Variants in MTUS2 observed in about 807,000 individuals in gnomAD.
The protein encoded by MTUS2 is microtubule-associated tumor suppressor candidate 2.
A neutral mutation model predicts 114.1 loss-of-function variants in MTUS2; 40 were observed. That is an observed-to-expected ratio of 0.35 (90% confidence interval 0.27 to 0.46). The LOEUF (loss-of-function observed/expected upper bound fraction) is 0.46, where lower values mean the gene tolerates loss of function less well. MTUS2 is among the 20% of genes least tolerant of loss of function. MTUS2 has a pLI of 1.00. For synonymous variants in MTUS2, 688 were observed against 672.0 expected (o/e 1.02, Z -0.37); for missense variants, 1,679 against 1,705.4 (o/e 0.98, Z 0.27).
At chr13:29,307,554 G>A in intron 6 of MTUS2, 2 of 1,246,686 alleles carry the variant, frequency 1.6e-6, no homozygotes, top group Non-Finnish European at 2.3e-6. Context: ...ATGACATCAA[G>A]AAGGTGGTAA....
intron 8 of MTUS2, among the ~76,000 whole-genome samples, chr13:29,384,948 A>G (rs895412087): frequency 2.6e-5 from 4 of 152,202 alleles, no homozygotes; most frequent in Middle Eastern, 3.2e-3. Context: ...GAGGACTGCT[A>G]TATCAGTTTT....
chr13:29,024,528 A>C lies in MTUS2; in HGVS notation c.-171A>C. ...AGTCTTCCTGCTGTATATCAAGACA[A>C]TGCTTGGTTTTCAAGCTGTTCTGAG... On this transcript the variant is annotated 5_prime_UTR_variant, in exon 3 of 16. The change abolishes an upstream ATG in the 5' untranslated region. Coordinates refer to ENST00000612955, the MANE Select transcript of MTUS2 (RefSeq NM_001033602.4). 2 of 747,826 alleles carry C rather than the reference A, an allele frequency of 2.7e-6. No individual in the cohort carries two copies. The highest frequency in any genetic ancestry group is 4.3e-6 in the Non-Finnish European group (2 of 464,322). The allele number at this position is 747,826 out of a possible 1,614,324, so 46.3% of individuals were successfully genotyped here.
intron 5 of MTUS2, among the ~76,000 whole-genome samples, chr13:29,246,093 T>A (rs1480507397): frequency 6.6e-6 from 1 of 152,210 alleles, no homozygotes; most frequent in Non-Finnish European, 1.5e-5. Context: ...TTGTAAAATA[T>A]GTATTTAAGT....
chr13:28,911,859 T>G (rs557799204), intron 2 of MTUS2, among the ~76,000 whole-genome samples: 4 of 151,546 alleles, frequency 2.6e-5, no homozygotes, highest in African/African-American at 7.3e-5. Flanking sequence ...TTTTTTTTTT[T>G]TTTTGTAAAT....
At chr13:29,454,894 C>T (rs1164842279) in intron 9 of MTUS2, among the ~76,000 whole-genome samples, 1 of 152,152 alleles carries the variant, frequency 6.6e-6, no homozygotes, top group African/African-American at 2.4e-5. Context: ...TGCTTCTAGC[C>T]ATAATAGCAT....
At chr13:29,232,613 G>T (rs987165620) in intron 5 of MTUS2, among the ~76,000 whole-genome samples, 1 of 152,154 alleles carries the variant, frequency 6.6e-6, no homozygotes, top group Non-Finnish European at 1.5e-5. Context: ...TAGTTAGTTT[G>T]CTTAAGTGGC....
rs574472320 is a variant in MTUS2 at position 29,146,055 on chromosome 13, A to G, written c.2644+45085A>G. Among the ~76,000 whole-genome samples the G allele has an allele frequency of 2.6e-5, 4 of 152,334 alleles. No homozygotes were observed. In the East Asian group the frequency reaches 7.7e-4, roughly 29 times the overall value. The stretch of plus-strand genomic sequence containing the variant: ...GTTGTAAACTTTTTTGCTATTGATG[A>G]TGGTGATTCTTTATATATCTTGGTT... On this transcript the variant is annotated intron_variant, in intron 5 of 15. Transcript: ENST00000612955.
At chr13:29,307,890 G>A (rs1352071510) in intron 6 of MTUS2, 3 of 555,936 alleles carry the variant, frequency 5.4e-6, no homozygotes, top group Non-Finnish European at 9.8e-6. Flanking sequence ...CCCCTCCTCA[G>A]AGTTTCCATG....
At chr13:28,942,395 C>T (rs1194679650) in intron 2 of MTUS2, among the ~76,000 whole-genome samples, 3 of 152,182 alleles carry the variant, frequency 2.0e-5, no homozygotes, top group Non-Finnish European at 4.4e-5. Flanking sequence ...TGTATTTGTA[C>T]ACCAGTTTGT....
At chr13:28,929,444 A>G (rs767808477) in intron 2 of MTUS2, among the ~76,000 whole-genome samples, 4 of 152,208 alleles carry the variant, frequency 2.6e-5, no homozygotes, top group Non-Finnish European at 4.4e-5. Flanking sequence ...ATGTACATCT[A>G]TTATGTATCA....
intron 6 of MTUS2, among the ~76,000 whole-genome samples, chr13:29,301,914 T>C (rs934137601): frequency 3.9e-5 from 6 of 152,192 alleles, no homozygotes; most frequent in Admixed American, 3.9e-4. Context: ...CTTCTTGCTG[T>C]GTCCTCACCT....
At chr13:29,215,749 G>A (rs1435841948) in intron 5 of MTUS2, among the ~76,000 whole-genome samples, 2 of 152,124 alleles carry the variant, frequency 1.3e-5, no homozygotes, top group Non-Finnish European at 2.9e-5. Flanking sequence ...TCCTCTGGAA[G>A]CTTCATCCCA....
chr13:28,933,157 ACACACAGATT>A (rs1049221008), intron 2 of MTUS2, among the ~76,000 whole-genome samples: 48 of 140,734 alleles, frequency 3.4e-4, no homozygotes, highest in South Asian at 6.7e-4. Context: ...ACACACACAC[ACACACAGATT>A]GATTGATCTG....
At chr13:29,186,224 T>C (rs917566502) in intron 5 of MTUS2, among the ~76,000 whole-genome samples, 8 of 152,274 alleles carry the variant, frequency 5.3e-5, no homozygotes, top group African/African-American at 1.9e-4. Context: ...CAAAAGAATT[T>C]TTTTAAATTG....
intron 5 of MTUS2, among the ~76,000 whole-genome samples, chr13:29,248,594 C>A (rs143254353): frequency 0.015 from 2,222 of 152,184 alleles, 67 homozygotes; most frequent in African/African-American, 0.051. Flanking sequence ...TTTTAAGCCC[C>A]ACATGCATTA....
intron 5 of MTUS2, among the ~76,000 whole-genome samples, chr13:29,157,347 A>G (rs188992019): frequency 1.7e-4 from 26 of 152,318 alleles, no homozygotes; most frequent in African/African-American, 5.5e-4. Flanking sequence ...AGAGTCCCCA[A>G]TTCTCCACAT....
At position 29,389,191 on chromosome 13, in the gene MTUS2, C is replaced by A. The variant is rs957706934; in HGVS notation, c.3117+29718C>A. ...TTTGACTATATATATATCTATATAT[C>A]TATATAGATATATATTTTTTCAAAT... is the stretch of plus-strand genomic sequence containing the variant. On this transcript the variant is annotated intron_variant, in intron 8 of 15. Transcript: ENST00000612955. Among the ~76,000 whole-genome samples the A allele has an allele frequency of 2.2e-5, 3 of 133,518 alleles. No homozygotes were observed. In the East Asian group the frequency reaches 6.5e-4, roughly 29 times the overall value. 87.6% of individuals were successfully genotyped at this position (133,518 alleles called of 152,430 possible). A position where few individuals can be genotyped will look rare whatever the true frequency, so the allele number is the denominator to read the frequency against.
At chr13:29,224,612 A>G (rs1246601694) in intron 5 of MTUS2, among the ~76,000 whole-genome samples, 1 of 151,026 alleles carries the variant, frequency 6.6e-6, no homozygotes, top group Non-Finnish European at 1.5e-5. Context: ...TTTATTTTCT[A>G]AGTATCCTAA....
chr13:29,454,708 A>T (rs569184755), intron 9 of MTUS2, among the ~76,000 whole-genome samples: 53 of 152,348 alleles, frequency 3.5e-4, no homozygotes, highest in African/African-American at 1.3e-3. Context: ...TCAGTGGACC[A>T]AAGTCAGTCG....
Sources: gnomAD v4.1 joint callset for allele counts (sites outside exome capture counted in the v4.1 genomes callset) on GRCh38, gnomAD v4.1.1 for gene constraint, MANE v1.5 for transcripts, NCBI Gene and HGNC (gene_info 2026-07-23, HGNC 2026-07-21) for gene names.